The following SMPDL3B variants were observed in gnomAD, a reference collection of about 807,000 sequenced individuals.
SMPDL3B encodes the protein sphingomyelin phosphodiesterase acid like 3B.
A neutral mutation model predicts 37.9 loss-of-function variants in SMPDL3B; 31 were observed. The ratio of observed to expected loss-of-function variants is 0.82; its 90% confidence interval spans 0.61 to 1.10. The LOEUF is 1.10. Ranked by LOEUF, SMPDL3B falls within the 50% of genes least tolerant of loss-of-function variation. SMPDL3B has a pLI of 0.00. For missense variants in SMPDL3B, 525 were observed against 597.8 expected (o/e 0.88, Z 1.27); for synonymous variants, 235 against 242.6 (o/e 0.97, Z 0.29).
chr1:27,949,380 C>A (rs1279551313), intron 3 of SMPDL3B, among the ~76,000 whole-genome samples: 1 of 152,196 alleles, frequency 6.6e-6, no homozygotes, highest in Admixed American at 6.5e-5. Context: ...AGAATCCTAT[C>A]AAAGGAAATG....
chr1:27,947,968 GCC>G lies in SMPDL3B; in HGVS notation c.276-1096_276-1095del, dbSNP rs569437528. Among the ~76,000 whole-genome samples the G allele has an allele frequency of 2.0e-3, 311 of 152,208 alleles. 1 individual carries two copies. In the Middle Eastern group the frequency reaches 0.031, roughly 15 times the overall value. ...TTGTCCCTGTGTCTTTGGGTTTCCG[GCC>G]TGTCCCCAGGGAGTTTTCAGGGCAA... On this transcript the variant is annotated intron_variant, in intron 2 of 7. Coordinates refer to ENST00000373894, the MANE Select transcript of SMPDL3B (RefSeq NM_014474.4).
chr1:27,945,795 TGA>T lies in SMPDL3B; in HGVS notation c.275+354_275+355del, dbSNP rs1476628491. Among the ~76,000 whole-genome samples the T allele has an allele frequency of 6.6e-6, 1 of 152,136 alleles. No individual in the cohort carries two copies. Among genetic ancestry groups the T allele is most frequent in the Non-Finnish European group, 1.5e-5 (1 of 68,008 alleles). Reference sequence around the variant, plus strand: ...CCCTGGGGCTTAGGGACTCTAAGTCTGAGAGGTCCAAGTGCAGGGAGGGAAGA... The same window carrying T: ...CCCTGGGGCTTAGGGACTCTAAGTCTGAGGTCCAAGTGCAGGGAGGGAAGA... On this transcript the variant is annotated intron_variant, in intron 2 of 7. Coordinates refer to ENST00000373894, the MANE Select transcript of SMPDL3B (RefSeq NM_014474.4). This position sits in a 1 kb window ranked among gnomAD's most constrained non-coding sequence, Gnocchi z 4.0.
intron 1 of SMPDL3B, among the ~76,000 whole-genome samples, chr1:27,939,807 T>C (rs913906316): frequency 1.8e-4 from 21 of 118,528 alleles, no homozygotes; most frequent in African/African-American, 5.2e-4. Context: ...GGTTTTTGTT[T>C]GTTTGTTTTT....
intron 3 of SMPDL3B, 54 bp from the exon 4 acceptor site, chr1:27,953,161 A>G: frequency 6.9e-7 from 1 of 1,455,694 alleles, no homozygotes; most frequent in Non-Finnish European, 9.5e-7. Flanking sequence ...AAAATGATTA[A>G]CTCCCCCGAG....
chr1:27,954,436 C>T lies in SMPDL3B; in HGVS notation c.600C>T (p.Ser200=), dbSNP rs576904905. Residue 200 remains serine, a synonymous_variant, in exon 5 of 8, where the codon AGC becomes AGT. Transcript: ENST00000373894. ...VVLNTNLYYT[S]NALTADMADP... is the part of the protein sequence containing the mutation. The stretch of plus-strand genomic sequence containing the variant: ...TCAACACCAATCTGTACTATACCAG[C>T]AATGCGCTGACAGCAGACATGGCGG... 10 of 1,614,130 alleles carry T rather than the reference C, an allele frequency of 6.2e-6. No individual in the cohort carries two copies. In the East Asian group the frequency reaches 2.2e-4, roughly 36 times the overall value.
Position 27,950,876 on chromosome 1 carries a change from C to T in SMPDL3B, c.373+1714C>T, listed in dbSNP as rs1017649178. On this transcript the variant is annotated intron_variant, in intron 3 of 7. Transcript: ENST00000373894. The stretch of plus-strand genomic sequence containing the variant: ...AAGTCCTGACCTCAAGTGATCCGCA[C>T]GCCTTGGCCTCCCAAAGTGCTGGGA... Among the ~76,000 whole-genome samples, 14 of 152,324 alleles carry T rather than the reference C, an allele frequency of 9.2e-5. No homozygotes were observed. The East Asian group carries it at 1.4e-3, about 15-fold the overall frequency.
chr1:27,952,805 A>G (rs2090464817), intron 3 of SMPDL3B, among the ~76,000 whole-genome samples: 1 of 152,214 alleles, frequency 6.6e-6, no homozygotes, highest in South Asian at 2.1e-4. Context: ...TGCATGGATG[A>G]GTGAAACTCC....
At chr1:27,942,432 G>A in intron 1 of SMPDL3B, 1 of 444,554 alleles carries the variant, frequency 2.2e-6, no homozygotes, top group Admixed American at 2.8e-5. Flanking sequence ...CCAACTAACT[G>A]GTATGAGGCA....
At position 27,945,643 on chromosome 1, in the gene SMPDL3B, G is replaced by A. The variant is rs1240112872; in HGVS notation, c.275+198G>A. On this transcript the variant is annotated intron_variant, in intron 2 of 7. Transcript: ENST00000373894. The surrounding 1 kb of genome is among the most constrained non-coding windows in gnomAD (Gnocchi z 4.0). Reference sequence around the variant, plus strand: ...AACTGATTCCACAGTCTGTGTCCTCGACCTCCATGTCTCCTGGCTGTGGCA... The same window carrying A: ...AACTGATTCCACAGTCTGTGTCCTCAACCTCCATGTCTCCTGGCTGTGGCA... Among the ~76,000 whole-genome samples, 2 of 152,126 alleles carry A rather than the reference G, an allele frequency of 1.3e-5. No individual in the cohort carries two copies. The highest frequency in any genetic ancestry group is 6.5e-5 in the Admixed American group (1 of 15,278).
chr1:27,942,346 G>A (rs774187648), intron 1 of SMPDL3B: 19 of 471,068 alleles, frequency 4.0e-5, no homozygotes, highest in South Asian at 9.3e-5. Flanking sequence ...GGCCAGCCTG[G>A]CTCCGGGCTT....
Position 27,958,599 on chromosome 1 carries a change from AC to A in SMPDL3B, c.1130del (p.Thr377LysfsTer68), listed in dbSNP as rs773819711. ...VPDASAHSMH[T>X]VLDRIAGDQS... is the part of the protein sequence containing the mutation. ...GGACGCCAGCGCCCACTCCATGCACACAGTGCTGGACCGCATCGCTGGCGAC... is the reference window on the plus strand; with the variant it reads ...GGACGCCAGCGCCCACTCCATGCACAAGTGCTGGACCGCATCGCTGGCGAC... On this transcript the variant is annotated frameshift_variant, in exon 8 of 8. Coordinates refer to ENST00000373894, the MANE Select transcript of SMPDL3B (RefSeq NM_014474.4). LOFTEE classifies it low-confidence loss of function (END_TRUNC). The surrounding 1 kb of genome is among the most constrained non-coding windows in gnomAD (Gnocchi z 5.6). 1.2e-6 allele frequency: 2 copies of A among 1,613,070 alleles called. No homozygotes were observed. The highest frequency in any genetic ancestry group is 3.3e-5 in the Admixed American group (2 of 60,002).
intron 3 of SMPDL3B, among the ~76,000 whole-genome samples, chr1:27,951,418 G>A (rs2090454561): frequency 6.6e-6 from 1 of 152,124 alleles, no homozygotes; most frequent in South Asian, 2.1e-4. Context: ...ACTGAAACTC[G>A]AGATTCAGGG....
intron 1 of SMPDL3B, among the ~76,000 whole-genome samples, chr1:27,935,645 G>A (rs1384723954): frequency 1.3e-5 from 2 of 152,148 alleles, no homozygotes. Flanking sequence ...TTCATCTGGG[G>A]AGAAAAAAAC....
chr1:27,952,438 C>G (rs542634889), intron 3 of SMPDL3B, among the ~76,000 whole-genome samples: 1 of 152,262 alleles, frequency 6.6e-6, no homozygotes, highest in South Asian at 2.1e-4. Flanking sequence ...GTTCTGAGTC[C>G]AAGAGTTATT....
chr1:27,956,785 G>A (rs1468078480), intron 7 of SMPDL3B, among the ~76,000 whole-genome samples: 1 of 152,188 alleles, frequency 6.6e-6, no homozygotes, highest in Admixed American at 6.5e-5. Context: ...CTGAGAGAAG[G>A]GCTAAGGAGA....
In SMPDL3B at chr1:27,955,633, G is replaced by T. The variant is rs1438212773; in HGVS notation, c.691-51G>T. On this transcript the variant is annotated intron_variant, in intron 5 of 7. Coordinates refer to ENST00000373894, the MANE Select transcript of SMPDL3B (RefSeq NM_014474.4). Reference sequence around the variant, plus strand: ...TGCAGGTTTTGAGAAGTAGAAATGAGGGTCTGGAGAGGGCATCTGTGAGCC... The same window carrying T: ...TGCAGGTTTTGAGAAGTAGAAATGATGGTCTGGAGAGGGCATCTGTGAGCC... The T allele has an allele frequency of 1.9e-6, 3 of 1,546,894 alleles. No individual in the cohort carries two copies. In the African/African-American group the frequency reaches 4.1e-5, roughly 21 times the overall value.
chr1:27,935,177 C>T lies in SMPDL3B; in HGVS notation c.-7C>T, dbSNP rs1571642182. 6.2e-7 allele frequency: 1 copy of T among 1,613,022 alleles called. No individual in the cohort carries two copies. Among genetic ancestry groups the T allele is most frequent in the Non-Finnish European group, 8.5e-7 (1 of 1,179,038 alleles). The stretch of plus-strand genomic sequence containing the variant: ...ATCCCACGGCTCTGGGGAAGTGAGC[C>T]CCGAGGATGAGGCTGCTCGCCTGGC... On this transcript the variant is annotated 5_prime_UTR_variant, in exon 1 of 8. Transcript: ENST00000373894.
intron 7 of SMPDL3B, chr1:27,956,538 C>G: frequency 9.5e-7 from 1 of 1,053,334 alleles, no homozygotes; most frequent in South Asian, 3.7e-5. Flanking sequence ...CGTACACAGA[C>G]GAGGCTCCAG....
At chr1:27,948,963 CCCAGGT>C (rs1557496044) in intron 2 of SMPDL3B, 96 bp from the exon 3 acceptor site, 1 of 1,574,318 alleles carries the variant, frequency 6.4e-7, no homozygotes, top group Admixed American at 1.9e-5. Flanking sequence ...ACATCTGAGG[CCCAGGT>C]CCATAGGTTT....
Sources: gnomAD v4.1 joint callset for allele counts (sites outside exome capture counted in the v4.1 genomes callset) on GRCh38, gnomAD v4.1.1 for gene constraint, Gnocchi (gnomAD v3.1) non-coding constraint, MANE v1.5 for transcripts, NCBI Gene and HGNC (gene_info 2026-07-23, HGNC 2026-07-21) for gene names.